CDCA5: variants seen among roughly 807,000 people sequenced by gnomAD.
The protein encoded by CDCA5 is cell division cycle associated 5.
Under a neutral mutation model 25.7 loss-of-function variants are expected in CDCA5, and 14 were observed. The observed-to-expected ratio is 0.54, with a 90% CI of 0.36 to 0.85. The LOEUF is 0.85. Ranked by LOEUF, CDCA5 falls within the 40% of genes least tolerant of loss-of-function variation. The probability of loss-of-function intolerance (pLI) is 0.01; values close to 1 mark genes in which losing one functional copy is unlikely to be tolerated. For synonymous variants in CDCA5, 127 were observed against 128.7 expected, an observed-to-expected ratio of 0.99 and a Z score of 0.09; for missense variants, 307 against 324.5, an observed-to-expected ratio of 0.95 and a Z score of 0.41.
chr11:65,081,100 G>A (rs768341089), intron 4 of CDCA5, among the ~76,000 whole-genome samples: 1 of 152,138 alleles, frequency 6.6e-6, no homozygotes, highest in Non-Finnish European at 1.5e-5. Context: ...TGAAGTGAAG[G>A]CAAGAGGAAG....
At chr11:65,063,316 GGGCAGGAATAC>G (rs1243150126), downstream of CDCA5, among the ~76,000 whole-genome samples, 1 of 152,186 alleles carries the variant, frequency 6.6e-6, no homozygotes, top group African/African-American at 2.4e-5. Flanking sequence ...CCACCCTCTT[GGGCAGGAATAC>G]CAGGCCCTTT....
At chr11:65,077,361 TG>T, downstream of CDCA5, 2 of 635,444 alleles carry the variant, frequency 3.1e-6, no homozygotes, top group African/African-American at 2.0e-5. Flanking sequence ...TGGGAGCGCC[TG>T]GACAAAGGGA....
intron 1 of CDCA5, among the ~76,000 whole-genome samples, chr11:65,069,052 C>T (rs578210603): frequency 6.6e-6 from 1 of 152,038 alleles, no homozygotes; most frequent in East Asian, 1.9e-4. Context: ...CCAACCTGGG[C>T]AACACACCAA....
At chr11:65,068,644 C>T in intron 1 of CDCA5, 1 of 1,165,924 alleles carries the variant, frequency 8.6e-7, no homozygotes, top group Non-Finnish European at 1.1e-6. Flanking sequence ...ATCTACCATC[C>T]CCGCTATGCC....
Position 65,079,749 on chromosome 11 carries a change from G to A in CDCA5, c.282C>T (p.Gly94=), listed in dbSNP as rs1473280499. Residue 94 remains glycine (G), a synonymous_variant, in exon 5 of 6, where the codon GGC becomes GGT. Coordinates refer to ENST00000275517, the MANE Select transcript of CDCA5 (RefSeq NM_080668.4). ...FFLEKENEPP[G]RELTKEDLFK... ...AAAGGTCCTCCTTAGTAAGCTCCCT[G>A]CCAGGGGGCTCGTTTTCTTTCTCCA... is the stretch of plus-strand genomic sequence containing the variant. The A allele has an allele frequency of 3.3e-6, 5 of 1,493,996 alleles. No homozygotes were observed. Among genetic ancestry groups the A allele is most frequent in the Admixed American group, 5.0e-5 (2 of 40,132 alleles). The allele number at this position is 1,493,996 out of a possible 1,614,324, so 92.5% of individuals were successfully genotyped here.
rs144088547 is a variant in CDCA5, at chr11:65,069,509, C to T, written c.64-908G>A. 2.4e-3 allele frequency among the ~76,000 whole-genome samples: 372 copies of T among 152,242 alleles called. 3 individuals carry two copies. Among genetic ancestry groups the T allele is most frequent in the African/African-American group, 7.7e-3 (318 of 41,546 alleles). ...AAACCGACAGCTCTGCAGAGGGCCCCGTAACCCTGGAAAGTCCCAGAGCTC... is the reference window on the plus strand; with the variant it reads ...AAACCGACAGCTCTGCAGAGGGCCCTGTAACCCTGGAAAGTCCCAGAGCTC... On this transcript the variant is annotated intron_variant, in intron 1 of 6. Coordinates refer to the CDCA5 transcript ENST00000525464.
chr11:65,065,069 C>A (rs1044460139), downstream of CDCA5, among the ~76,000 whole-genome samples: 1 of 152,032 alleles, frequency 6.6e-6, no homozygotes, highest in African/African-American at 2.4e-5. Context: ...TGTCTCCCTA[C>A]AGTGAACATA....
downstream of CDCA5, among the ~76,000 whole-genome samples, chr11:65,073,365 A>G (rs1250872543): frequency 1.3e-5 from 2 of 152,234 alleles, no homozygotes; most frequent in Non-Finnish European, 2.9e-5. Flanking sequence ...CACAGCTAGA[A>G]GCTGGCAGAG....
downstream of CDCA5, among the ~76,000 whole-genome samples, chr11:65,075,668 G>C (rs1276590081): frequency 6.6e-6 from 1 of 152,208 alleles, no homozygotes; most frequent in Admixed American, 6.5e-5. Flanking sequence ...ATGGCACAGA[G>C]AACACAGGAG....
Position 65,079,703 on chromosome 11 carries a change from C to T in CDCA5, c.328G>A (p.Ala110Thr), listed in dbSNP as rs1276411076. The change falls in exon 5 of 6, where the codon GCC becomes ACC. Residue 110 changes from alanine to threonine, a missense_variant. Physicochemically the swap from Ala to Thr is moderately conservative, Grantham distance 58 (BLOSUM62 0). Transcript: ENST00000275517. ...EDLFKTHSVPATPTSTPVPNP... is the reference protein window; with the variant it reads ...EDLFKTHSVPTTPTSTPVPNP... ...GGCACAGGAGTGCTGGTGGGGGTGG[C>T]AGGGACGCTGTGTGTCTTGAAAAGG... The T allele has an allele frequency of 3.2e-6, 5 of 1,569,882 alleles. No homozygotes were observed. The highest frequency in any genetic ancestry group is 3.5e-6 in the Non-Finnish European group (4 of 1,156,994).
At chr11:65,083,896 G>A in intron 1 of CDCA5, 37 bp downstream of exon 1, 3 of 1,608,812 alleles carry the variant, frequency 1.9e-6, no homozygotes, top group Admixed American at 3.3e-5. Flanking sequence ...TCCCCCAAAC[G>A]GCTCGACCTC....
downstream of CDCA5, among the ~76,000 whole-genome samples, chr11:65,064,417 C>CAAA (rs11318233): frequency 4.2e-4 from 36 of 86,332 alleles, no homozygotes; most frequent in Admixed American, 9.4e-4. Flanking sequence ...GACTCTGTCG[C>CAAA]AAAAAAAAAA....
chr11:65,066,326 C>G, downstream of CDCA5: 1 of 1,169,944 alleles, frequency 8.5e-7, no homozygotes, highest in Non-Finnish European at 1.1e-6. Context: ...TTTCTGGGAT[C>G]TAGGGAGGAG....
chr11:65,075,127 T>C (rs1046546506), downstream of CDCA5, among the ~76,000 whole-genome samples: 17 of 140,870 alleles, frequency 1.2e-4, no homozygotes, highest in Admixed American at 8.6e-4. Context: ...CCAGCCACGG[T>C]GATTCACGCC....
At chr11:65,064,576 A>G (rs1276841044), downstream of CDCA5, among the ~76,000 whole-genome samples, 1 of 152,338 alleles carries the variant, frequency 6.6e-6, no homozygotes, top group Non-Finnish European at 1.5e-5. Flanking sequence ...TCAGTACCCT[A>G]TGATTCCCTT....
chr11:65,061,171 C>T, the CDCA5 span, among the ~76,000 whole-genome samples: 2 of 152,324 alleles, frequency 1.3e-5, no homozygotes, highest in South Asian at 4.1e-4. Flanking sequence ...CGTGGCCTCC[C>T]GGACACCATG....
chr11:65,071,606 CT>C (rs1947344958), intron 1 of CDCA5, among the ~76,000 whole-genome samples: 3 of 152,186 alleles, frequency 2.0e-5, no homozygotes, highest in African/African-American at 7.2e-5. Flanking sequence ...GGCACTCTTA[CT>C]CTTTAAAAAT....
In CDCA5 at chr11:65,083,559, G is replaced by A. The variant is rs372502994; in HGVS notation, c.142-9C>T. 6 of 1,614,060 alleles carry A rather than the reference G, an allele frequency of 3.7e-6. No individual in the cohort carries two copies. The highest frequency in any genetic ancestry group is 5.1e-6 in the Non-Finnish European group (6 of 1,180,018). Reference sequence around the variant, plus strand: ...GCAGCCGCACTGGGTGTCTGGAGAAGAGGGATGAACGTGAGCTCAACATTA... The same window carrying A: ...GCAGCCGCACTGGGTGTCTGGAGAAAAGGGATGAACGTGAGCTCAACATTA... On this transcript the variant is annotated splice_polypyrimidine_tract_variant and intron_variant, in intron 2 of 5. Transcript: ENST00000275517.
At chr11:65,067,744 C>T (rs761867194) in exon 4 of CDCA5, 21 of 1,289,616 alleles carry the variant, frequency 1.6e-5, no homozygotes, top group Non-Finnish European at 2.1e-5. Context: ...ACTCCTGGAT[C>T]TCCGAGTCCC....
Sources: allele counts gnomAD v4.1 joint callset (sites outside exome capture counted in the v4.1 genomes callset), GRCh38; gene constraint gnomAD v4.1.1; transcripts MANE v1.5; gene names NCBI Gene and HGNC (gene_info 2026-07-23, HGNC 2026-07-21).